ASH1L: variants seen among roughly 807,000 people sequenced by gnomAD.
ASH1L encodes ASH1 like histone lysine methyltransferase, also known as histone-lysine N-methyltransferase ASH1L.
Under a neutral mutation model 269.0 loss-of-function variants are expected in ASH1L, and 23 were observed. The ratio of observed to expected loss-of-function variants is 0.09; its 90% CI spans 0.06 to 0.12. ASH1L has a LOEUF of 0.12. Ranked by LOEUF, ASH1L falls within the 10% of genes least tolerant of loss-of-function variation. The pLI, the probability that ASH1L is intolerant of heterozygous loss-of-function variation, is 1.00. For synonymous variants in ASH1L, 1,187 were observed against 1,253.5 expected (o/e 0.95, Z 1.12); for missense variants, 2,912 against 3,567.8 (o/e 0.82, Z 4.68).
At chr1:155,428,297 C>T (rs747408712) in intron 5 of ASH1L, among the ~76,000 whole-genome samples, 6 of 151,586 alleles carry the variant, frequency 4.0e-5, no homozygotes, top group African/African-American at 1.2e-4. Flanking sequence ...AAAAATTAGC[C>T]GGGTGTGGTG....
In ASH1L at chr1:155,337,431, G is replaced by T; in HGVS notation, c.*229C>A. 1 of 437,800 alleles carries T rather than the reference G, an allele frequency of 2.3e-6. No individual in the cohort carries two copies. Among genetic ancestry groups the T allele is most frequent in the Non-Finnish European group, 4.2e-6 (1 of 236,162 alleles). The allele number at this position is 437,800 out of a possible 1,614,324, so 27.1% of individuals were successfully genotyped here. A position where few individuals can be genotyped will look rare whatever the true frequency, so the allele number is the denominator to read the frequency against. On this transcript the variant is annotated 3_prime_UTR_variant, in exon 28 of 28. Coordinates refer to ENST00000392403, the MANE Select transcript of ASH1L (RefSeq NM_018489.3). Reference sequence around the variant, plus strand: ...CCTCTCTACATTATTAACCCTTAAGGTGAAGCAATGGAGAAGAAAATTAAT... The same window carrying T: ...CCTCTCTACATTATTAACCCTTAAGTTGAAGCAATGGAGAAGAAAATTAAT...
intron 3 of ASH1L, among the ~76,000 whole-genome samples, chr1:155,465,939 A>G (rs141800254): frequency 1.3e-3 from 191 of 152,340 alleles, no homozygotes; most frequent in African/African-American, 4.5e-3. Flanking sequence ...CTGGGTCCAC[A>G]ATAAAAACAG....
intron 3 of ASH1L, among the ~76,000 whole-genome samples, chr1:155,463,773 C>T (rs769357540): frequency 3.0e-4 from 45 of 151,864 alleles, no homozygotes; most frequent in Admixed American, 1.4e-3. Flanking sequence ...CCATCCTGGG[C>T]GACAGTGAGA....
intron 25 of ASH1L, among the ~76,000 whole-genome samples, chr1:155,339,738 T>C (rs1236633932): frequency 2.0e-5 from 3 of 152,320 alleles, no homozygotes; most frequent in Middle Eastern, 3.4e-3. Flanking sequence ...TAGCCTACTA[T>C]ACACCTAGGC....
chr1:155,488,035 C>T (rs111269942), intron 2 of ASH1L, among the ~76,000 whole-genome samples: 1,610 of 151,884 alleles, frequency 0.011, 38 homozygotes, highest in African/African-American at 0.038. Context: ...TACAGGAGCC[C>T]GCCAGCAGGC....
intron 4 of ASH1L, among the ~76,000 whole-genome samples, chr1:155,451,298 T>C (rs1202763528): frequency 6.6e-6 from 1 of 151,982 alleles, no homozygotes; most frequent in East Asian, 1.9e-4. Flanking sequence ...AAACACCGTA[T>C]GGTTCCACTT....
intron 3 of ASH1L, among the ~76,000 whole-genome samples, chr1:155,476,740 A>C (rs1553264501): frequency 6.6e-6 from 1 of 151,546 alleles, no homozygotes; most frequent in Non-Finnish European, 1.5e-5. Context: ...TTTTAAGTAG[A>C]GATGGGGTTT....
At chr1:155,551,263 A>G (rs1671179972) in intron 1 of ASH1L, among the ~76,000 whole-genome samples, 1 of 151,210 alleles carries the variant, frequency 6.6e-6, no homozygotes, top group Non-Finnish European at 1.5e-5. Context: ...ATAGGCACAC[A>G]GTATCTTTTC....
At chr1:155,482,932 C>T (rs1431354637) in intron 2 of ASH1L, among the ~76,000 whole-genome samples, 3 of 152,180 alleles carry the variant, frequency 2.0e-5, no homozygotes, top group Non-Finnish European at 4.4e-5. Flanking sequence ...CCTACTTCTA[C>T]TCTTTTATAA....
At chr1:155,477,795 A>C (rs748465426) in intron 3 of ASH1L, 91 bp downstream of exon 3, 43 of 1,237,552 alleles carry the variant, frequency 3.5e-5, no homozygotes, top group Non-Finnish European at 4.6e-5. Context: ...AAAAAGATAT[A>C]TATATTAAAA....
intron 5 of ASH1L, among the ~76,000 whole-genome samples, chr1:155,417,895 T>C (rs921943446): frequency 6.6e-6 from 1 of 150,788 alleles, no homozygotes; most frequent in East Asian, 1.9e-4. Flanking sequence ...GAGGCGGAGG[T>C]TGTGGTGAGC....
chr1:155,541,471 AATATT>A (rs1339652634), intron 1 of ASH1L, among the ~76,000 whole-genome samples: 1 of 152,116 alleles, frequency 6.6e-6, no homozygotes, highest in Admixed American at 6.6e-5. Context: ...CTAAGTCACT[AATATT>A]ATATAAGTCA....
intron 7 of ASH1L, among the ~76,000 whole-genome samples, chr1:155,390,644 CT>C (rs1176615477): frequency 1.5e-4 from 18 of 121,810 alleles, no homozygotes; most frequent in African/African-American, 4.7e-4. Context: ...CCCCCCCCCC[CT>C]TTTTTCTTTC....
chr1:155,428,276 T>C (rs896761980), intron 5 of ASH1L, among the ~76,000 whole-genome samples: 36 of 151,830 alleles, frequency 2.4e-4, no homozygotes, highest in Non-Finnish European at 2.1e-4. Flanking sequence ...CCGTCTCTAC[T>C]AAAAGTACAA....
intron 1 of ASH1L, among the ~76,000 whole-genome samples, chr1:155,526,796 C>G (rs1246432493): frequency 6.6e-6 from 1 of 152,192 alleles, no homozygotes; most frequent in Non-Finnish European, 1.5e-5. Flanking sequence ...TCCTTTCAAC[C>G]TCTTCATTTA....
intron 5 of ASH1L, among the ~76,000 whole-genome samples, chr1:155,436,770 C>T (rs1662132359): frequency 1.3e-5 from 2 of 152,174 alleles, no homozygotes; most frequent in Non-Finnish European, 2.9e-5. Context: ...GCTAGAATTA[C>T]AGGCGTGAGC....
chr1:155,552,908 T>C (rs1164125777), intron 1 of ASH1L, among the ~76,000 whole-genome samples: 1 of 152,198 alleles, frequency 6.6e-6, no homozygotes, highest in Non-Finnish European at 1.5e-5. Context: ...TACACATTAT[T>C]TGCTTGCTGC....
At chr1:155,398,783 T>C (rs558873121) in intron 6 of ASH1L, among the ~76,000 whole-genome samples, 51 of 152,264 alleles carry the variant, frequency 3.3e-4, no homozygotes, top group African/African-American at 1.2e-3. Context: ...CTCAGCTCAC[T>C]GCAGCTGCAG....
intron 1 of ASH1L, among the ~76,000 whole-genome samples, chr1:155,533,068 T>C (rs1246856185): frequency 2.0e-5 from 3 of 151,690 alleles, no homozygotes; most frequent in South Asian, 2.1e-4. Context: ...TCATTTTATA[T>C]GTAAATACCC....
Sources: gnomAD v4.1 joint callset for allele counts (sites outside exome capture counted in the v4.1 genomes callset) on GRCh38, gnomAD v4.1.1 for gene constraint, MANE v1.5 for transcripts, NCBI Gene and HGNC (gene_info 2026-07-23, HGNC 2026-07-21) for gene names.